SAMD8: variants seen among roughly 807,000 people sequenced by gnomAD.
SAMD8 encodes sphingomyelin synthase-related protein 1.
A neutral mutation model predicts 42.0 loss-of-function variants in SAMD8; 20 were observed. That is an observed-to-expected ratio of 0.48 (90% CI 0.34 to 0.69). The LOEUF (loss-of-function observed/expected upper bound fraction) is 0.69. Ranked by LOEUF, SAMD8 falls within the 30% of genes least tolerant of loss-of-function variation. SAMD8 has a pLI of 0.01. For missense variants in SAMD8, 328 were observed against 511.6 expected, an observed-to-expected ratio of 0.64 and a Z score of 3.46; for synonymous variants, 162 against 173.0, an observed-to-expected ratio of 0.94 and a Z score of 0.50.
chr10:75,128,368 C>A (rs989526413), intron 1 of SAMD8, among the ~76,000 whole-genome samples: 1 of 151,996 alleles, frequency 6.6e-6, no homozygotes, highest in African/African-American at 2.4e-5. Context: ...CCACCGCACC[C>A]GCCCTTCTGT....
chr10:75,108,683 G>C (rs1441627096), upstream of SAMD8, among the ~76,000 whole-genome samples: 5 of 152,184 alleles, frequency 3.3e-5, no homozygotes, highest in African/African-American at 7.2e-5. Flanking sequence ...CAGAAACAGG[G>C]GGCTCTCTGT....
At chr10:75,140,269 T>A (rs114492998) in intron 1 of SAMD8, among the ~76,000 whole-genome samples, 61 of 152,320 alleles carry the variant, frequency 4.0e-4, no homozygotes, top group African/African-American at 1.4e-3. Context: ...CAAGCCGGGC[T>A]AATTTTTGTG....
At position 75,155,053 on chromosome 10, in the gene SAMD8, G is replaced by A. The variant is rs1289566064; in HGVS notation, c.578+3947G>A. On this transcript the variant is annotated intron_variant, in intron 2 of 5. Coordinates refer to ENST00000542569, the MANE Select transcript of SAMD8 (RefSeq NM_001174156.2). The stretch of plus-strand genomic sequence containing the variant: ...ACTGCAGGTGTGTGTCACCACACCT[G>A]CCTGATTTTTAAATCTTTTGTAGAG... 2.0e-5 allele frequency among the ~76,000 whole-genome samples: 3 copies of A among 152,100 alleles called. No homozygotes were observed. The East Asian group carries it at 5.8e-4, about 29-fold the overall frequency.
At chr10:75,140,807 T>G (rs1218275487) in intron 1 of SAMD8, among the ~76,000 whole-genome samples, 1 of 152,212 alleles carries the variant, frequency 6.6e-6, no homozygotes, top group Non-Finnish European at 1.5e-5. Context: ...GGATTTTGAT[T>G]GGAATTGGGT....
At chr10:75,172,730 C>T (rs10762664) in intron 4 of SAMD8, among the ~76,000 whole-genome samples, 151,525 of 152,206 alleles carry the variant, frequency 1, 75,425 homozygotes, top group Middle Eastern at 1. Flanking sequence ...ACTCCTGACC[C>T]CATGATCCAC....
intron 1 of SAMD8, among the ~76,000 whole-genome samples, chr10:75,113,832 T>G (rs867946566): frequency 4.6e-5 from 7 of 152,324 alleles, no homozygotes; most frequent in Middle Eastern, 6.8e-3. Context: ...TCTGGAGACC[T>G]TATCTTCATA....
chr10:75,149,535 A>G (rs564317496), intron 1 of SAMD8, among the ~76,000 whole-genome samples: 17 of 152,330 alleles, frequency 1.1e-4, no homozygotes, highest in African/African-American at 3.6e-4. Flanking sequence ...AGATTCAAAT[A>G]TATGTCTAGT....
rs1407878885 is a variant in SAMD8 at position 75,164,640 on chromosome 10, T to C, written c.579-5T>C. ...TCAATTCAAAATCATTTTTTTCTGTTCCAGCGTTCCTAGAATCCCATGGGC... is the reference window on the plus strand; with the variant it reads ...TCAATTCAAAATCATTTTTTTCTGTCCCAGCGTTCCTAGAATCCCATGGGC... On this transcript the variant is annotated splice_polypyrimidine_tract_variant and splice_region_variant and intron_variant, in intron 2 of 5. Transcript: ENST00000542569. 5.6e-6 allele frequency: 9 copies of C among 1,613,630 alleles called. No homozygotes were observed. The highest frequency in any genetic ancestry group is 7.6e-6 in the Non-Finnish European group (9 of 1,179,642).
At chr10:75,139,321 C>T (rs1011845510) in intron 1 of SAMD8, among the ~76,000 whole-genome samples, 1 of 152,028 alleles carries the variant, frequency 6.6e-6, no homozygotes, top group Non-Finnish European at 1.5e-5. Context: ...GTGGACCACG[C>T]TTTAATGGTG....
At chr10:75,140,703 A>C (rs760662899) in intron 1 of SAMD8, among the ~76,000 whole-genome samples, 79 of 152,390 alleles carry the variant, frequency 5.2e-4, no homozygotes, top group Middle Eastern at 3.4e-3. Context: ...TTTGTTACAA[A>C]GCAATAGAAA....
At chr10:75,157,205 A>G (rs1840430992) in intron 2 of SAMD8, among the ~76,000 whole-genome samples, 1 of 152,156 alleles carries the variant, frequency 6.6e-6, no homozygotes, top group Admixed American at 6.6e-5. Flanking sequence ...TTTTCACGTT[A>G]AAAGAATTAG....
chr10:75,126,357 C>G (rs1849133530), intron 1 of SAMD8, among the ~76,000 whole-genome samples: 1 of 152,120 alleles, frequency 6.6e-6, no homozygotes, highest in Non-Finnish European at 1.5e-5. Flanking sequence ...ATATCCCTTT[C>G]TAGACTGTAG....
At chr10:75,159,063 C>CTTTTTCT (rs1554862366) in intron 2 of SAMD8, among the ~76,000 whole-genome samples, 10 of 133,456 alleles carry the variant, frequency 7.5e-5, no homozygotes, top group Admixed American at 1.5e-4. Flanking sequence ...TTTTCTTTTT[C>CTTTTTCT]TTTTTTTTTT....
intron 1 of SAMD8, among the ~76,000 whole-genome samples, chr10:75,129,771 A>T (rs1849232795): frequency 6.6e-6 from 1 of 152,182 alleles, no homozygotes; most frequent in Admixed American, 6.5e-5. Flanking sequence ...TTTAGCTGTG[A>T]TCTTAACCCT....
At chr10:75,162,020 A>G (rs1188369047) in intron 2 of SAMD8, among the ~76,000 whole-genome samples, 3 of 152,150 alleles carry the variant, frequency 2.0e-5, no homozygotes, top group South Asian at 2.1e-4. Flanking sequence ...CCTGGGCAAC[A>G]GAGCAACACT....
At chr10:75,105,757 C>G (rs375361804) in intron 1 of SAMD8, 7 of 1,553,348 alleles carry the variant, frequency 4.5e-6, no homozygotes, top group Non-Finnish European at 6.1e-6. Context: ...TCGGTGCTGC[C>G]TCACGGTGAT....
rs542442781 is a variant in SAMD8, at chr10:75,166,304, C to T, written c.674+1564C>T. ...TAAGTAAAAAACAAGGCATTGTAAA[C>T]AAAAAATTTAAAGATAAAATTAGTA... is the stretch of plus-strand genomic sequence containing the variant. On this transcript the variant is annotated intron_variant, in intron 3 of 5. Coordinates refer to ENST00000542569, the MANE Select transcript of SAMD8 (RefSeq NM_001174156.2). Among the ~76,000 whole-genome samples, 5 of 150,368 alleles carry T rather than the reference C, an allele frequency of 3.3e-5. No individual in the cohort carries two copies. The East Asian group carries it at 7.8e-4, about 23-fold the overall frequency.
At chr10:75,129,319 C>T (rs1173619821) in intron 1 of SAMD8, among the ~76,000 whole-genome samples, 2 of 152,102 alleles carry the variant, frequency 1.3e-5, no homozygotes, top group African/African-American at 4.8e-5. Flanking sequence ...CGGCTCACTG[C>T]AACCTCCAAC....
At chr10:75,175,673 C>T (rs973981644) in intron 4 of SAMD8, among the ~76,000 whole-genome samples, 10 of 152,060 alleles carry the variant, frequency 6.6e-5, no homozygotes, top group Admixed American at 4.6e-4. Flanking sequence ...CTTAGCCTCC[C>T]TAGTAGCTGG....
Sources: allele counts gnomAD v4.1 joint callset (sites outside exome capture counted in the v4.1 genomes callset), GRCh38; gene constraint gnomAD v4.1.1; transcripts MANE v1.5; gene names NCBI Gene and HGNC (gene_info 2026-07-23, HGNC 2026-07-21).